The following EPHA3 variants were observed in gnomAD, a reference collection of about 807,000 sequenced individuals.
EPHA3 encodes EPH receptor A3.
EPHA3 carries 42 observed loss-of-function variants against 107.1 expected under a neutral mutation model. The observed-to-expected ratio is 0.39, with a 90% CI of 0.31 to 0.51. The LOEUF (loss-of-function observed/expected upper bound fraction) is 0.51, where lower values mean the gene tolerates loss of function less well. EPHA3 is among the 20% of genes least tolerant of loss of function. EPHA3 has a pLI of 0.78. For synonymous variants in EPHA3, 461 were observed against 424.8 expected (o/e 1.09, Z -1.05); for missense variants, 1,183 against 1,211.2 (o/e 0.98, Z 0.35).
intron 5 of EPHA3, among the ~76,000 whole-genome samples, chr3:89,385,977 G>C (rs114495771): frequency 6.6e-6 from 1 of 152,150 alleles, no homozygotes; most frequent in African/African-American, 2.4e-5. Context: ...TTAATAGCTT[G>C]GCAAAGAGAC....
At chr3:89,316,136 G>C (rs1169107512) in intron 3 of EPHA3, among the ~76,000 whole-genome samples, 1 of 151,802 alleles carries the variant, frequency 6.6e-6, no homozygotes, top group African/African-American at 2.4e-5. Context: ...GTTCATCAGT[G>C]CTGTTTCAAA....
At chr3:89,474,798 T>C (rs1710473510) in intron 16 of EPHA3, among the ~76,000 whole-genome samples, 2 of 152,232 alleles carry the variant, frequency 1.3e-5, no homozygotes, top group African/African-American at 2.4e-5. Context: ...ACATTACTTA[T>C]GTCAGCAATA....
intron 11 of EPHA3, among the ~76,000 whole-genome samples, chr3:89,426,049 G>A (rs376187120): frequency 2.0e-5 from 3 of 151,626 alleles, no homozygotes; most frequent in African/African-American, 7.3e-5. Flanking sequence ...CATTTTTGAT[G>A]GTTTCATTTC....
In EPHA3 at chr3:89,107,820, G is replaced by A. The variant is rs200437524; in HGVS notation, c.72G>A (p.Pro24=). 3 of 1,613,936 alleles carry A rather than the reference G, an allele frequency of 1.9e-6. No homozygotes were observed. The African/African-American group carries it at 4.0e-5, about 22-fold the overall frequency. Reference sequence around the variant, plus strand: ...TCGACAGCTTCGGGGAACTGATTCCGCAGCCTTCCAATGAAGGTAAGCCAG... The same window carrying A: ...TCGACAGCTTCGGGGAACTGATTCCACAGCCTTCCAATGAAGGTAAGCCAG... The part of the protein sequence containing the change: ...SVLDSFGELI[P]QPSNEVNLLD... Residue 24 remains proline, a synonymous_variant, in exon 1 of 17, where the codon CCG becomes CCA. Transcript: ENST00000336596.
intron 2 of EPHA3, among the ~76,000 whole-genome samples, chr3:89,136,720 A>G (rs1294458734): frequency 6.6e-6 from 1 of 151,922 alleles, no homozygotes; most frequent in Non-Finnish European, 1.5e-5. Context: ...TCATGAATTC[A>G]TTTGTGCTTT....
chr3:89,389,576 C>A (rs540380339), intron 5 of EPHA3, among the ~76,000 whole-genome samples: 287 of 152,278 alleles, frequency 1.9e-3, no homozygotes, highest in African/African-American at 6.7e-3. Flanking sequence ...AACAAATAAA[C>A]CAAACCAGAT....
chr3:89,289,970 G>A lies in EPHA3; in HGVS notation c.815-50946G>A, dbSNP rs192276783. ...ACATCAAAGAAAGCACAGCCTCAGA[G>A]GTACCTAATGTAACAGACCATGCTG... On this transcript the variant is annotated intron_variant, in intron 3 of 16. Coordinates refer to ENST00000336596, the MANE Select transcript of EPHA3 (RefSeq NM_005233.6). 1.6e-3 allele frequency among the ~76,000 whole-genome samples: 241 copies of A among 152,216 alleles called. 6 individuals carry two copies. The highest frequency in any genetic ancestry group is 0.015 in the Admixed American group (223 of 15,256).
chr3:89,184,274 G>A (rs1705510965), intron 2 of EPHA3, among the ~76,000 whole-genome samples: 1 of 151,976 alleles, frequency 6.6e-6, no homozygotes. Context: ...TGAATGGCTG[G>A]TTGACTTGAG....
intron 5 of EPHA3, among the ~76,000 whole-genome samples, chr3:89,353,220 C>A (rs1212177529): frequency 6.6e-6 from 1 of 151,174 alleles, no homozygotes; most frequent in African/African-American, 2.4e-5. Flanking sequence ...TGTATGTTGC[C>A]GTGTAATTAT....
At chr3:89,466,754 C>T (rs1361674193) in intron 15 of EPHA3, among the ~76,000 whole-genome samples, 6 of 136,900 alleles carry the variant, frequency 4.4e-5, no homozygotes, top group African/African-American at 1.1e-4. Context: ...GAGATGAACC[C>T]GGTACCTCAG....
At chr3:89,251,507 T>C (rs1341370411) in intron 3 of EPHA3, among the ~76,000 whole-genome samples, 1 of 152,052 alleles carries the variant, frequency 6.6e-6, no homozygotes, top group Non-Finnish European at 1.5e-5. Flanking sequence ...TTTTGCATAA[T>C]ATTGCAACCC....
intron 15 of EPHA3, among the ~76,000 whole-genome samples, chr3:89,467,622 G>T (rs922305148): frequency 4.6e-5 from 7 of 152,000 alleles, no homozygotes; most frequent in Non-Finnish European, 1.0e-4. Flanking sequence ...CCCAGTATCT[G>T]GTGCTAATTT....
chr3:89,381,681 A>T (rs914493762), intron 5 of EPHA3, among the ~76,000 whole-genome samples: 1 of 152,118 alleles, frequency 6.6e-6, no homozygotes, highest in Non-Finnish European at 1.5e-5. Flanking sequence ...AAAGAAAAAA[A>T]AAAATTAGGA....
At chr3:89,413,667 A>T (rs2107522460) in intron 10 of EPHA3, among the ~76,000 whole-genome samples, 1 of 151,908 alleles carries the variant, frequency 6.6e-6, no homozygotes, top group Admixed American at 6.6e-5. Flanking sequence ...AAACAACACA[A>T]AGTAATATCA....
chr3:89,455,984 C>T (rs138612033), intron 15 of EPHA3, among the ~76,000 whole-genome samples: 177 of 152,302 alleles, frequency 1.2e-3, no homozygotes, highest in African/African-American at 4.2e-3. Context: ...ATGCTTCTCT[C>T]GTATTACCAG....
At chr3:89,194,191 A>G (rs991631650) in intron 2 of EPHA3, among the ~76,000 whole-genome samples, 2 of 152,008 alleles carry the variant, frequency 1.3e-5, no homozygotes, top group African/African-American at 2.4e-5. Context: ...CATACTCTTT[A>G]TAGTACATGG....
intron 3 of EPHA3, among the ~76,000 whole-genome samples, chr3:89,311,707 T>A (rs1017965722): frequency 6.6e-6 from 1 of 152,076 alleles, no homozygotes; most frequent in African/African-American, 2.4e-5. Context: ...GGATTGTCTT[T>A]CTTCAGCAAA....
At position 89,179,838 on chromosome 3, in the gene EPHA3, C is replaced by T. The variant is rs574296551; in HGVS notation, c.154-30022C>T. Reference sequence around the variant, plus strand: ...AGGGTTTCATTTGTGCTTAGTGCTGCGGTTTGGTGAAAAACCCTCTCATGT... The same window carrying T: ...AGGGTTTCATTTGTGCTTAGTGCTGTGGTTTGGTGAAAAACCCTCTCATGT... On this transcript the variant is annotated intron_variant, in intron 2 of 16. Transcript: ENST00000336596. 9.9e-5 allele frequency among the ~76,000 whole-genome samples: 15 copies of T among 151,740 alleles called. No homozygotes were observed. In the South Asian group the frequency reaches 2.7e-3, roughly 27 times the overall value.
rs369472810 is a variant in EPHA3, at chr3:89,194,187, C to T, written c.154-15673C>T. ...ATTTCAGAACTTGTTAAAACATACTCTTTATAGTACATGGATTGATGTGCT... is the reference window on the plus strand; with the variant it reads ...ATTTCAGAACTTGTTAAAACATACTTTTTATAGTACATGGATTGATGTGCT... On this transcript the variant is annotated intron_variant, in intron 2 of 16. Coordinates refer to ENST00000336596, the MANE Select transcript of EPHA3 (RefSeq NM_005233.6). 2.6e-5 allele frequency among the ~76,000 whole-genome samples: 4 copies of T among 152,048 alleles called. No individual in the cohort carries two copies. The East Asian group carries it at 7.7e-4, about 29-fold the overall frequency.
Sources: gnomAD v4.1 joint callset for allele counts (sites outside exome capture counted in the v4.1 genomes callset) on GRCh38, gnomAD v4.1.1 for gene constraint, MANE v1.5 for transcripts, NCBI Gene and HGNC (gene_info 2026-07-23, HGNC 2026-07-21) for gene names.